PLCB4: variants seen among roughly 807,000 people sequenced by gnomAD.
PLCB4 encodes the protein 1-phosphatidylinositol 4,5-bisphosphate phosphodiesterase beta-4.
A neutral mutation model predicts 178.8 loss-of-function variants in PLCB4; 77 were observed. The observed-to-expected ratio is 0.43, with a 90% CI of 0.36 to 0.52. PLCB4 has a LOEUF of 0.52. Among genes scored for constraint, PLCB4 ranks in the 20% least tolerant of loss-of-function variants. The pLI is 0.00. For missense variants in PLCB4, 1,024 were observed against 1,453.4 expected (o/e 0.70, Z 4.80); for synonymous variants, 496 against 490.8 (o/e 1.01, Z -0.14).
At chr20:9,319,864 A>G (rs2094939615) in intron 4 of PLCB4, among the ~76,000 whole-genome samples, 2 of 152,314 alleles carry the variant, frequency 1.3e-5, no homozygotes, top group South Asian at 4.2e-4. Context: ...AGTCAAGTTG[A>G]CATATAAAAT....
chr20:9,233,820 A>T (rs2093961659), intron 3 of PLCB4, among the ~76,000 whole-genome samples: 1 of 152,130 alleles, frequency 6.6e-6, no homozygotes, highest in African/African-American at 2.4e-5. Flanking sequence ...AGGAGTTTTT[A>T]AAATTGTTGA....
At chr20:9,369,793 G>C (rs2036087215) in intron 9 of PLCB4, among the ~76,000 whole-genome samples, 1 of 152,160 alleles carries the variant, frequency 6.6e-6, no homozygotes, top group East Asian at 1.9e-4. Flanking sequence ...CTCTCATTCA[G>C]AACTTGCCTT....
At chr20:9,108,601 C>G (rs779938698) in intron 2 of PLCB4, among the ~76,000 whole-genome samples, 5 of 150,216 alleles carry the variant, frequency 3.3e-5, no homozygotes, top group Admixed American at 6.7e-5. Context: ...GATGATAATA[C>G]TAATTATTAT....
At chr20:9,318,560 G>A (rs750203436) in intron 4 of PLCB4, among the ~76,000 whole-genome samples, 1 of 152,176 alleles carries the variant, frequency 6.6e-6, no homozygotes, top group African/African-American at 2.4e-5. Context: ...ATATATGTCT[G>A]CACCTTAGCA....
chr20:9,282,210 C>T (rs955874709), intron 3 of PLCB4, among the ~76,000 whole-genome samples: 3 of 152,000 alleles, frequency 2.0e-5, no homozygotes, highest in Non-Finnish European at 2.9e-5. Context: ...TTATTCACTT[C>T]TTCATCAAAG....
intron 3 of PLCB4, among the ~76,000 whole-genome samples, chr20:9,277,218 C>T (rs1437233411): frequency 6.6e-6 from 1 of 151,954 alleles, no homozygotes; most frequent in Non-Finnish European, 1.5e-5. Flanking sequence ...ACATGTTTAA[C>T]CTAGAAAGGA....
intron 35 of PLCB4, among the ~76,000 whole-genome samples, chr20:9,465,141 T>G (rs577175558): frequency 1.3e-5 from 2 of 152,260 alleles, no homozygotes; most frequent in African/African-American, 4.8e-5. Context: ...CATATGCAAA[T>G]CAATAAATGT....
At chr20:9,409,687 A>C (rs2039716299) in intron 24 of PLCB4, among the ~76,000 whole-genome samples, 1 of 152,222 alleles carries the variant, frequency 6.6e-6, no homozygotes, top group Admixed American at 6.5e-5. Context: ...AAGGAGTTAC[A>C]TATTTGAAGA....
intron 2 of PLCB4, among the ~76,000 whole-genome samples, chr20:9,125,689 G>C (rs2092094001): frequency 6.6e-6 from 1 of 152,166 alleles, no homozygotes; most frequent in South Asian, 2.1e-4. Flanking sequence ...GAAAATAAAA[G>C]GATGTGTATT....
At chr20:9,347,591 A>G (rs1358571460) in intron 7 of PLCB4, among the ~76,000 whole-genome samples, 3 of 152,192 alleles carry the variant, frequency 2.0e-5, no homozygotes, top group Non-Finnish European at 4.4e-5. Context: ...ACTTGGACAA[A>G]TCATTTCAAT....
At chr20:9,275,741 T>C (rs571742013) in intron 3 of PLCB4, among the ~76,000 whole-genome samples, 8 of 152,104 alleles carry the variant, frequency 5.3e-5, no homozygotes, top group Admixed American at 1.3e-4. Flanking sequence ...GAGCTGTTGA[T>C]AGCTGCTTGT....
chr20:9,416,683 A>C (rs2040272227), intron 25 of PLCB4, among the ~76,000 whole-genome samples: 1 of 152,218 alleles, frequency 6.6e-6, no homozygotes, highest in African/African-American at 2.4e-5. Context: ...AATTCCATGA[A>C]TACAGAAGAT....
intron 1 of PLCB4, among the ~76,000 whole-genome samples, chr20:9,093,548 C>T (rs1420787154): frequency 6.6e-6 from 1 of 151,898 alleles, no homozygotes; most frequent in African/African-American, 2.4e-5. Context: ...AAATAGAAGA[C>T]CATGAACTAT....
intron 17 of PLCB4, among the ~76,000 whole-genome samples, chr20:9,393,354 G>C (rs916811934): frequency 4.4e-4 from 67 of 152,310 alleles, no homozygotes; most frequent in African/African-American, 1.6e-3. Context: ...GGTTGGAGCA[G>C]CTCTGCACAC....
intron 32 of PLCB4, among the ~76,000 whole-genome samples, chr20:9,446,654 AG>A (rs2042430571): frequency 1.3e-5 from 2 of 152,212 alleles, no homozygotes; most frequent in Admixed American, 1.3e-4. Flanking sequence ...CAAGGCAAGC[AG>A]ATCTCACCTG....
intron 7 of PLCB4, among the ~76,000 whole-genome samples, chr20:9,339,277 T>C (rs906715038): frequency 1.3e-5 from 2 of 152,174 alleles, no homozygotes; most frequent in Admixed American, 6.6e-5. Flanking sequence ...AGTCCAGCAC[T>C]TCTCCAACTT....
At chr20:9,188,904 C>T (rs1362862769) in intron 2 of PLCB4, among the ~76,000 whole-genome samples, 2 of 66,776 alleles carry the variant, frequency 3.0e-5, no homozygotes, top group Non-Finnish European at 5.2e-5. Context: ...GGAGGGCTGT[C>T]ATATAGTGAC....
intron 7 of PLCB4, among the ~76,000 whole-genome samples, chr20:9,350,580 CAG>C (rs1434962852): frequency 6.6e-6 from 1 of 151,870 alleles, no homozygotes; most frequent in Non-Finnish European, 1.5e-5. Context: ...TTTTCTGAGG[CAG>C]AGTCTCACTC....
intron 4 of PLCB4, among the ~76,000 whole-genome samples, chr20:9,318,242 T>C (rs2327164): frequency 0.29 from 43,612 of 151,684 alleles, 8,182 homozygotes; most frequent in African/African-American, 0.53. Context: ...CAAGTCATCT[T>C]GTCCAAAGCT....
Sources: allele counts gnomAD v4.1 joint callset (sites outside exome capture counted in the v4.1 genomes callset), GRCh38; gene constraint gnomAD v4.1.1; transcripts MANE v1.5; gene names NCBI Gene and HGNC (gene_info 2026-07-23, HGNC 2026-07-21).